CDH13: variants seen among roughly 807,000 people sequenced by gnomAD.
CDH13 encodes the protein cadherin-13.
CDH13 carries 24 observed loss-of-function variants against 63.8 expected under a neutral mutation model. That is an observed-to-expected ratio of 0.38 (90% CI 0.27 to 0.53). CDH13 has a LOEUF of 0.53. CDH13 is among the 20% of genes least tolerant of loss of function. The probability of loss-of-function intolerance (pLI) is 0.85; values close to 1 mark genes in which losing one functional copy is unlikely to be tolerated. For missense variants in CDH13, 1,049 were observed against 903.1 expected (o/e 1.16, Z -2.07); for synonymous variants, 503 against 355.3 (o/e 1.42, Z -4.67).
intron 4 of CDH13, among the ~76,000 whole-genome samples, chr16:83,182,194 C>G (rs1410368294): frequency 6.6e-6 from 1 of 152,178 alleles, no homozygotes; most frequent in Non-Finnish European, 1.5e-5. Flanking sequence ...CTAATCCTTC[C>G]TGCCTCCTGC....
rs550536275 is a variant in CDH13, at chr16:83,358,856, A to T, written c.781+13850A>T. Among the ~76,000 whole-genome samples, 5 of 152,042 alleles carry T rather than the reference A, an allele frequency of 3.3e-5. No homozygotes were observed. In the East Asian group the frequency reaches 5.8e-4, roughly 18 times the overall value. On this transcript the variant is annotated intron_variant, in intron 6 of 13. Coordinates refer to ENST00000567109, the MANE Select transcript of CDH13 (RefSeq NM_001257.5). ...AGACATTTTTATTAGGTTAAAAAAAACCCCACTGCCTTATGATGGGAACTT... is the reference window on the plus strand; with the variant it reads ...AGACATTTTTATTAGGTTAAAAAAATCCCCACTGCCTTATGATGGGAACTT...
At chr16:82,841,466 T>C (rs2039007258) in intron 1 of CDH13, among the ~76,000 whole-genome samples, 1 of 152,192 alleles carries the variant, frequency 6.6e-6, no homozygotes. Context: ...AGCAGCTCCC[T>C]AATTATGTCA....
intron 6 of CDH13, among the ~76,000 whole-genome samples, chr16:83,394,756 G>T (rs7192189): frequency 1.3e-5 from 2 of 152,076 alleles, no homozygotes; most frequent in African/African-American, 2.4e-5. Flanking sequence ...GAGCCAGACT[G>T]GTAGCAATGG....
At chr16:83,479,958 A>G (rs796994420) in intron 6 of CDH13, among the ~76,000 whole-genome samples, 1 of 152,306 alleles carries the variant, frequency 6.6e-6, no homozygotes, top group African/African-American at 2.4e-5. Context: ...TGTTAATGGA[A>G]ACACAAGAGG....
chr16:83,028,629 T>C (rs1916035222), intron 2 of CDH13, among the ~76,000 whole-genome samples: 1 of 152,230 alleles, frequency 6.6e-6, no homozygotes, highest in Admixed American at 6.5e-5. Flanking sequence ...TATACATACA[T>C]AGCTATGTTA....
chr16:82,984,183 T>G (rs948108023), intron 2 of CDH13, among the ~76,000 whole-genome samples: 1 of 152,242 alleles, frequency 6.6e-6, no homozygotes, highest in Admixed American at 6.5e-5. Context: ...GCAAGGAACC[T>G]GGATAAAACT....
chr16:82,763,370 A>T (rs987782028), intron 1 of CDH13, among the ~76,000 whole-genome samples: 1 of 152,174 alleles, frequency 6.6e-6, no homozygotes, highest in Non-Finnish European at 1.5e-5. Flanking sequence ...CCTCCTCTGG[A>T]ATACATGCTC....
chr16:83,258,801 G>A (rs773197351), intron 5 of CDH13, among the ~76,000 whole-genome samples: 3 of 152,168 alleles, frequency 2.0e-5, no homozygotes, highest in Admixed American at 6.6e-5. Context: ...AGAGCACATC[G>A]TGACGCTATA....
At chr16:83,087,839 G>T (rs79497361) in intron 3 of CDH13, among the ~76,000 whole-genome samples, 2,958 of 152,144 alleles carry the variant, frequency 0.019, 94 homozygotes, top group African/African-American at 0.067. Context: ...AATTACAAAT[G>T]GGTCTTATGT....
intron 7 of CDH13, among the ~76,000 whole-genome samples, chr16:83,522,290 T>C (rs1267357053): frequency 1.3e-5 from 2 of 152,216 alleles, no homozygotes; most frequent in Admixed American, 6.5e-5. Flanking sequence ...TAGCCTGCCA[T>C]TGTTTTAAAG....
intron 3 of CDH13, among the ~76,000 whole-genome samples, chr16:83,062,062 G>A (rs140105048): frequency 7.2e-5 from 11 of 152,316 alleles, no homozygotes; most frequent in African/African-American, 2.6e-4. Flanking sequence ...GATGGCTGAG[G>A]CTTTAGAACC....
chr16:83,651,836 C>G (rs971335497), intron 8 of CDH13, among the ~76,000 whole-genome samples: 3 of 152,260 alleles, frequency 2.0e-5, no homozygotes, highest in Middle Eastern at 3.4e-3. Context: ...CTCAGGTGAT[C>G]TGCCTGCTTC....
chr16:83,464,655 T>C (rs535267143), intron 6 of CDH13, among the ~76,000 whole-genome samples: 1 of 152,246 alleles, frequency 6.6e-6, no homozygotes, highest in Admixed American at 6.5e-5. Context: ...CCACCACACC[T>C]GGCCCTCCTC....
chr16:82,748,708 A>T (rs1446157861), intron 1 of CDH13, among the ~76,000 whole-genome samples: 1 of 152,196 alleles, frequency 6.6e-6, no homozygotes, highest in Non-Finnish European at 1.5e-5. Context: ...GAATCTACCT[A>T]GAGAGCTGGG....
intron 8 of CDH13, among the ~76,000 whole-genome samples, chr16:83,656,557 A>G (rs1286575144): frequency 6.6e-6 from 1 of 152,166 alleles, no homozygotes; most frequent in East Asian, 1.9e-4. Context: ...CCATTGCCCA[A>G]GCTGGGACCA....
At chr16:82,972,657 A>G (rs1908932388) in intron 2 of CDH13, among the ~76,000 whole-genome samples, 2 of 152,198 alleles carry the variant, frequency 1.3e-5, no homozygotes, top group Admixed American at 1.3e-4. Flanking sequence ...CGTGGTAAGC[A>G]TTTAACACAT....
intron 2 of CDH13, among the ~76,000 whole-genome samples, chr16:82,983,854 A>C (rs1000549534): frequency 6.6e-6 from 1 of 152,232 alleles, no homozygotes; most frequent in Non-Finnish European, 1.5e-5. Flanking sequence ...GGATTTGCTC[A>C]TGGACCTTTC....
chr16:83,507,389 A>G (rs550974494), intron 7 of CDH13, among the ~76,000 whole-genome samples: 69 of 152,330 alleles, frequency 4.5e-4, no homozygotes, highest in African/African-American at 1.6e-3. Context: ...GGGGAAATTT[A>G]AACCAAATAC....
chr16:82,701,934 G>C (rs936813674), intron 1 of CDH13, among the ~76,000 whole-genome samples: 3 of 152,116 alleles, frequency 2.0e-5, no homozygotes, highest in African/African-American at 7.2e-5. Context: ...GGATGGGTGG[G>C]TGCAGTTTCC....
Sources: gnomAD v4.1 joint callset for allele counts (sites outside exome capture counted in the v4.1 genomes callset) on GRCh38, gnomAD v4.1.1 for gene constraint, MANE v1.5 for transcripts, NCBI Gene and HGNC (gene_info 2026-07-23, HGNC 2026-07-21) for gene names.